The following CCDC77 variants were observed in gnomAD, a reference collection of about 807,000 sequenced individuals.
The protein encoded by CCDC77 is coiled-coil domain-containing protein 77.
CCDC77 carries 56 observed loss-of-function variants against 66.8 expected under a neutral mutation model. That is an observed-to-expected ratio of 0.84 (90% confidence interval 0.68 to 1.05). The LOEUF (loss-of-function observed/expected upper bound fraction) is 1.05. CCDC77 is among the 50% of genes least tolerant of loss of function. The pLI is 0.00. For missense variants in CCDC77, 570 were observed against 576.8 expected (o/e 0.99, Z 0.12); for synonymous variants, 196 against 195.2 (o/e 1.00, Z -0.03).
intron 4 of CCDC77, among the ~76,000 whole-genome samples, chr12:415,497 T>TTATTAACATAATATGTTAA: frequency 6.8e-6 from 1 of 147,848 alleles, no homozygotes; most frequent in East Asian, 2.0e-4. Context: ...ATTAACATAA[T>TTATTAACATAATATGTTAA]TATTAACATA....
chr12:424,868 C>T (rs1945498240), intron 5 of CCDC77, among the ~76,000 whole-genome samples: 1 of 150,228 alleles, frequency 6.7e-6, no homozygotes, highest in South Asian at 2.1e-4. Flanking sequence ...ATGTGGATGT[C>T]CAGTTTTCTC....
upstream of CCDC77, among the ~76,000 whole-genome samples, chr12:398,770 T>C (rs1385677157): frequency 6.6e-6 from 1 of 151,734 alleles, no homozygotes; most frequent in African/African-American, 2.4e-5. Context: ...TTTTACTTTT[T>C]TTTTTTTGAG....
chr12:433,603 T>A, intron 9 of CCDC77: 1 of 432,672 alleles, frequency 2.3e-6, no homozygotes, highest in Non-Finnish European at 3.4e-6. Context: ...GTGCAGTGGC[T>A]CACGCCTGTA....
At chr12:435,666 ATATCCCTG>A (rs1295135882) in intron 9 of CCDC77, among the ~76,000 whole-genome samples, 1 of 152,224 alleles carries the variant, frequency 6.6e-6, no homozygotes, top group Non-Finnish European at 1.5e-5. Context: ...CTATGTGTAA[ATATCCCTG>A]TAGTCCTTCT....
rs1023403449 is a variant in CCDC77, at chr12:390,555, G to A, written c.-113+1069G>A. On this transcript the variant is annotated intron_variant, in intron 1 of 11. Transcript: ENST00000422000. The stretch of plus-strand genomic sequence containing the variant: ...GCCTTATCCAATCAACTGAAGGCCT[G>A]AATAGAACAAAAGACTGACCTTCCA... Among the ~76,000 whole-genome samples, 4 of 152,120 alleles carry A rather than the reference G, an allele frequency of 2.6e-5. No individual in the cohort carries two copies. The South Asian group carries it at 6.2e-4, about 24-fold the overall frequency.
intron 5 of CCDC77, among the ~76,000 whole-genome samples, chr12:425,271 G>A (rs1043086445): frequency 5.3e-5 from 8 of 150,594 alleles, no homozygotes; most frequent in South Asian, 4.2e-4. Flanking sequence ...CAAGTGCTCC[G>A]TTTTTAGCAG....
At chr12:397,800 C>A (rs1944847671), upstream of CCDC77, among the ~76,000 whole-genome samples, 1 of 152,048 alleles carries the variant, frequency 6.6e-6, no homozygotes, top group African/African-American at 2.4e-5. Flanking sequence ...GCGCCCGCCA[C>A]CACGCCCGGC....
chr12:422,176 G>T (rs1945409572), intron 5 of CCDC77, among the ~76,000 whole-genome samples: 2 of 132,932 alleles, frequency 1.5e-5, no homozygotes, highest in Non-Finnish European at 3.2e-5. Context: ...GTGTGTGTGT[G>T]CTGGGAGTGA....
At position 411,974 on chromosome 12, in the gene CCDC77, G is replaced by C. The variant is rs758651567; in HGVS notation, c.266G>C (p.Gly89Ala). ...KLELYKEACE[G>A]QHKLECDLQQ... The stretch of plus-strand genomic sequence containing the variant: ...GAACTCTACAAAGAAGCTTGTGAAG[G>C]ACAGGTAAAGAAACGATGCTGCTGC... Residue 89 changes from glycine (G) to alanine (A), a missense_variant, in exon 4 of 13, where the codon GGA (glycine) becomes GCA (alanine). Gly to Ala is a moderately conservative substitution (Grantham distance 60). Coordinates refer to ENST00000239830, the MANE Select transcript of CCDC77 (RefSeq NM_032358.4). The C allele has an allele frequency of 5.6e-6, 9 of 1,610,788 alleles. No homozygotes were observed. Among genetic ancestry groups the C allele is most frequent in the Non-Finnish European group, 7.6e-6 (9 of 1,177,734 alleles).
chr12:441,023 A>G, intron 12 of CCDC77, 27 bp downstream of exon 12: 1 of 1,604,118 alleles, frequency 6.2e-7, no homozygotes, highest in Non-Finnish European at 8.5e-7. Flanking sequence ...AATTGCCACG[A>G]GGGAGAGAAG....
At chr12:414,113 A>T (rs1311602031) in intron 4 of CCDC77, among the ~76,000 whole-genome samples, 2 of 144,790 alleles carry the variant, frequency 1.4e-5, no homozygotes, top group African/African-American at 5.2e-5. Context: ...TTTTTTTGAG[A>T]CGGAGTCTCA....
At chr12:428,714 G>T in intron 5 of CCDC77, 55 bp from the exon 6 acceptor site, 1 of 1,197,572 alleles carries the variant, frequency 8.4e-7, no homozygotes, top group Non-Finnish European at 1.2e-6. Context: ...AACAGAAAAA[G>T]GTTACTTACT....
chr12:414,581 T>A (rs937161627), intron 4 of CCDC77, among the ~76,000 whole-genome samples: 2 of 152,212 alleles, frequency 1.3e-5, no homozygotes, highest in Non-Finnish European at 2.9e-5. Flanking sequence ...TAACTAACCC[T>A]GACTCACTTT....
intron 2 of CCDC77, among the ~76,000 whole-genome samples, chr12:408,488 G>C (rs1359720427): frequency 6.6e-6 from 1 of 152,078 alleles, no homozygotes; most frequent in Non-Finnish European, 1.5e-5. Flanking sequence ...TTTTAAATTT[G>C]ATATAGTGGG....
chr12:411,250 T>C (rs2137548682), intron 3 of CCDC77, among the ~76,000 whole-genome samples: 1 of 152,046 alleles, frequency 6.6e-6, no homozygotes, highest in East Asian at 1.9e-4. Flanking sequence ...CTCGACTCAC[T>C]GCAACCTCTG....
chr12:418,864 C>A, intron 5 of CCDC77: 1 of 456,448 alleles, frequency 2.2e-6, no homozygotes, highest in Admixed American at 3.8e-5. Context: ...AGGCCTAGCT[C>A]ATTTTTGTAT....
chr12:428,114 A>G (rs949760703), intron 5 of CCDC77, among the ~76,000 whole-genome samples: 5 of 152,158 alleles, frequency 3.3e-5, no homozygotes, highest in African/African-American at 1.2e-4. Flanking sequence ...ACTACAAGCT[A>G]TCAGCAGGCA....
chr12:425,696 C>G (rs115523773), intron 5 of CCDC77, among the ~76,000 whole-genome samples: 166 of 152,236 alleles, frequency 1.1e-3, no homozygotes, highest in African/African-American at 3.8e-3. Context: ...AAAAACTTCA[C>G]TCATGTGCTT....
At chr12:423,251 G>A (rs1444306794) in intron 5 of CCDC77, among the ~76,000 whole-genome samples, 2 of 142,974 alleles carry the variant, frequency 1.4e-5, no homozygotes, top group Non-Finnish European at 3.0e-5. Flanking sequence ...CAGCCTCCAA[G>A]TAGCTGTGAC....
Sources: allele counts gnomAD v4.1 joint callset (sites outside exome capture counted in the v4.1 genomes callset), GRCh38; gene constraint gnomAD v4.1.1; transcripts MANE v1.5; gene names NCBI Gene and HGNC (gene_info 2026-07-23, HGNC 2026-07-21).